SMG6: variants seen among roughly 807,000 people sequenced by gnomAD.
SMG6 encodes the protein telomerase-binding protein EST1A.
Under a neutral mutation model 142.2 loss-of-function variants are expected in SMG6, and 66 were observed. The ratio of observed to expected loss-of-function variants is 0.46; its 90% CI spans 0.38 to 0.57. The LOEUF (loss-of-function observed/expected upper bound fraction) is 0.57, where lower values mean the gene tolerates loss of function less well. SMG6 is among the 20% of genes least tolerant of loss of function. The probability of loss-of-function intolerance (pLI) is 0.00; values close to 1 mark genes in which losing one functional copy is unlikely to be tolerated. For synonymous variants in SMG6, 779 were observed against 702.4 expected, an observed-to-expected ratio of 1.11 and a Z score of -1.72; for missense variants, 1,793 against 1,832.0, an observed-to-expected ratio of 0.98 and a Z score of 0.39.
intron 10 of SMG6, among the ~76,000 whole-genome samples, chr17:2,224,291 C>T (rs1157298884): frequency 6.6e-6 from 1 of 152,102 alleles, no homozygotes; most frequent in African/African-American, 2.4e-5. Flanking sequence ...GGCTACACCC[C>T]AAATACACCA....
chr17:2,183,789 C>T (rs561665667), intron 12 of SMG6, among the ~76,000 whole-genome samples: 63 of 126,498 alleles, frequency 5.0e-4, no homozygotes, highest in African/African-American at 1.9e-3. Flanking sequence ...CACACACACA[C>T]ACAGCAGAGG....
chr17:2,280,515 G>A (rs375649768), intron 8 of SMG6: 36 of 766,706 alleles, frequency 4.7e-5, no homozygotes, highest in Admixed American at 1.3e-4. Context: ...TGCTCGCCTC[G>A]GCCTCCTAAA....
Position 2,164,304 on chromosome 17 carries a change from T to C in SMG6, c.3357+8354A>G, listed in dbSNP as rs537291436. ...CGGGCATGGTGGCAGGTGCTTGTAG[T>C]CCCAGCTACTCAAGAGGCTGAGGCA... On this transcript the variant is annotated intron_variant, in intron 13 of 18. Transcript: ENST00000263073. Among the ~76,000 whole-genome samples the C allele has an allele frequency of 5.3e-5, 8 of 151,396 alleles. No homozygotes were observed. The East Asian group carries it at 1.6e-3, about 30-fold the overall frequency.
chr17:2,121,480 C>A (rs1474866502), intron 13 of SMG6, among the ~76,000 whole-genome samples: 1 of 151,908 alleles, frequency 6.6e-6, no homozygotes, highest in Non-Finnish European at 1.5e-5. Context: ...AAAATCAGAA[C>A]AGAGCTTGCC....
At chr17:2,301,632 G>A (rs2075279274) in intron 1 of SMG6, among the ~76,000 whole-genome samples, 7 of 151,240 alleles carry the variant, frequency 4.6e-5, no homozygotes, top group Admixed American at 4.6e-4. Context: ...CACGAGGTCA[G>A]GAGATCGAGA....
chr17:2,263,480 T>C (rs1420970800), intron 8 of SMG6, among the ~76,000 whole-genome samples: 1 of 152,188 alleles, frequency 6.6e-6, no homozygotes, highest in Non-Finnish European at 1.5e-5. Context: ...CCTAGTGATT[T>C]CTATAATAAA....
At chr17:2,190,747 C>T (rs1225361204) in intron 10 of SMG6, among the ~76,000 whole-genome samples, 1 of 152,178 alleles carries the variant, frequency 6.6e-6, no homozygotes, top group Non-Finnish European at 1.5e-5. Flanking sequence ...AAGGCAGCTT[C>T]ATGACTGCTC....
intron 10 of SMG6, among the ~76,000 whole-genome samples, chr17:2,217,781 C>T (rs1176123875): frequency 6.6e-6 from 1 of 151,758 alleles, no homozygotes; most frequent in South Asian, 2.1e-4. Flanking sequence ...GAGGCCGAGG[C>T]GGGCAGATAA....
chr17:2,112,911 C>T (rs554591272), intron 13 of SMG6, among the ~76,000 whole-genome samples: 2 of 151,658 alleles, frequency 1.3e-5, no homozygotes, highest in South Asian at 4.2e-4. Context: ...ACATGCGTCA[C>T]CATGCCTGAC....
chr17:2,279,338 AGT>A (rs907088413), intron 8 of SMG6, among the ~76,000 whole-genome samples: 3 of 152,208 alleles, frequency 2.0e-5, no homozygotes, highest in Admixed American at 6.5e-5. Flanking sequence ...AAGTATGAAA[AGT>A]GTAAGATTTG....
chr17:2,264,844 G>T (rs572539148), intron 8 of SMG6, among the ~76,000 whole-genome samples: 12 of 151,886 alleles, frequency 7.9e-5, no homozygotes, highest in African/African-American at 2.2e-4. Flanking sequence ...GAAGGTTGCA[G>T]TGAGCTGAGA....
intron 13 of SMG6, among the ~76,000 whole-genome samples, chr17:2,093,894 C>T (rs2068789938): frequency 1.3e-5 from 2 of 152,104 alleles, no homozygotes; most frequent in Non-Finnish European, 2.9e-5. Flanking sequence ...GGATTACAGG[C>T]ACGAGCCACC....
intron 8 of SMG6, chr17:2,266,038 T>C (rs2074416026): frequency 5.1e-6 from 5 of 985,424 alleles, no homozygotes; most frequent in Non-Finnish European, 6.0e-6. Flanking sequence ...TCAAACACTT[T>C]ACCAGGAAGA....
At chr17:2,133,731 G>A (rs1026269467) in intron 13 of SMG6, among the ~76,000 whole-genome samples, 1 of 152,180 alleles carries the variant, frequency 6.6e-6, no homozygotes, top group African/African-American at 2.4e-5. Context: ...TGCCAGCCAG[G>A]TGACCATATT....
chr17:2,157,392 A>G (rs16951962), intron 13 of SMG6, among the ~76,000 whole-genome samples: 3,479 of 152,304 alleles, frequency 0.023, 47 homozygotes, highest in East Asian at 0.052. Context: ...ACATGCAGCT[A>G]TGAACTCCAC....
intron 12 of SMG6, among the ~76,000 whole-genome samples, chr17:2,178,676 G>C (rs2071718847): frequency 6.6e-6 from 1 of 152,110 alleles, no homozygotes; most frequent in African/African-American, 2.4e-5. Context: ...TTCGGGGTCG[G>C]CGCCTTATTT....
At chr17:2,221,235 A>G (rs1185288837) in intron 10 of SMG6, among the ~76,000 whole-genome samples, 1 of 152,150 alleles carries the variant, frequency 6.6e-6, no homozygotes, top group Non-Finnish European at 1.5e-5. Flanking sequence ...GCCTGGTAGG[A>G]GGTGACTGCA....
intron 13 of SMG6, among the ~76,000 whole-genome samples, chr17:2,146,239 C>T (rs2070664634): frequency 1.3e-5 from 2 of 152,174 alleles, no homozygotes; most frequent in Non-Finnish European, 2.9e-5. Context: ...GATTACATAA[C>T]ATGCTTACTT....
At chr17:2,301,864 G>C (rs2075286090) in intron 1 of SMG6, among the ~76,000 whole-genome samples, 2 of 152,148 alleles carry the variant, frequency 1.3e-5, no homozygotes, top group Admixed American at 6.5e-5. Flanking sequence ...AAAAGTATCT[G>C]TTACCGTTAT....
Sources: allele counts gnomAD v4.1 joint callset (sites outside exome capture counted in the v4.1 genomes callset), GRCh38; gene constraint gnomAD v4.1.1; transcripts MANE v1.5; gene names NCBI Gene and HGNC (gene_info 2026-07-23, HGNC 2026-07-21).